The following ZPLD1 variants were observed in gnomAD, a reference collection of about 807,000 sequenced individuals.
ZPLD1 encodes the protein zona pellucida-like domain-containing protein 1.
ZPLD1 carries 34 observed loss-of-function variants against 47.2 expected under a neutral mutation model. That is an observed-to-expected ratio of 0.72 (90% CI 0.55 to 0.96). ZPLD1 has a LOEUF of 0.96. Ranked by LOEUF, ZPLD1 falls within the 40% of genes least tolerant of loss-of-function variation. The pLI, the probability that ZPLD1 is intolerant of heterozygous loss-of-function variation, is 0.00. For missense variants in ZPLD1, 512 were observed against 505.8 expected, an observed-to-expected ratio of 1.01 and a Z score of -0.12; for synonymous variants, 176 against 186.2, an observed-to-expected ratio of 0.95 and a Z score of 0.45.
intron 8 of ZPLD1, among the ~76,000 whole-genome samples, chr3:102,468,209 T>C (rs913983905): frequency 3.9e-5 from 6 of 152,164 alleles, no homozygotes; most frequent in Non-Finnish European, 7.4e-5. Flanking sequence ...ATTGTTTTCA[T>C]ATATTGCTTG....
rs532115266 is a variant in ZPLD1, at chr3:102,398,392, C to T, written c.-157+6167C>T. ...TTCCAGCCCAGTCTCATTTCTACCC[C>T]TGATTTGTTGTTTGACCTAAGGTGA... On this transcript the variant is annotated intron_variant, in intron 7 of 17. Coordinates refer to the ZPLD1 transcript ENST00000491959. 6.8e-4 allele frequency among the ~76,000 whole-genome samples: 103 copies of T among 152,216 alleles called. 2 individuals are homozygous for T. The South Asian group carries it at 0.019, about 29-fold the overall frequency.
At chr3:102,420,605 A>AT (rs1172318295) in intron 8 of ZPLD1, among the ~76,000 whole-genome samples, 1 of 151,594 alleles carries the variant, frequency 6.6e-6, no homozygotes, top group Non-Finnish European at 1.5e-5. Flanking sequence ...TCTTCCTTTG[A>AT]TTTTTTTTCA....
At chr3:102,422,316 G>T (rs1180761577) in intron 8 of ZPLD1, among the ~76,000 whole-genome samples, 2 of 151,956 alleles carry the variant, frequency 1.3e-5, no homozygotes, top group African/African-American at 2.4e-5. Context: ...AATGTCTGAA[G>T]ATATTTTGGG....
intron 7 of ZPLD1, among the ~76,000 whole-genome samples, chr3:102,411,823 G>A (rs922785809): frequency 1.3e-5 from 2 of 151,776 alleles, no homozygotes; most frequent in Non-Finnish European, 2.9e-5. Context: ...GTATTGGTCA[G>A]GATTCTCCAG....
At chr3:102,409,590 G>A (rs1172374855) in intron 7 of ZPLD1, among the ~76,000 whole-genome samples, 3 of 151,762 alleles carry the variant, frequency 2.0e-5, no homozygotes, top group African/African-American at 7.3e-5. Context: ...TGGAGTATTT[G>A]TTTCCAAATC....
chr3:102,440,970 AGTT>A (rs1305991624), intron 3 of ZPLD1, among the ~76,000 whole-genome samples: 1 of 152,138 alleles, frequency 6.6e-6, no homozygotes, highest in Non-Finnish European at 1.5e-5. Context: ...GGAAAAGTGT[AGTT>A]GTTTGTTTGA....
chr3:102,388,243 T>C (rs535065234), intron 6 of ZPLD1, among the ~76,000 whole-genome samples: 1 of 152,278 alleles, frequency 6.6e-6, no homozygotes, highest in East Asian at 1.9e-4. Context: ...CGAACTACTG[T>C]AGGTTAGTTA....
intron 10 of ZPLD1, 85 bp downstream of exon 10, chr3:102,470,587 T>C: frequency 9.8e-7 from 1 of 1,022,120 alleles, no homozygotes; most frequent in South Asian, 1.4e-5. Flanking sequence ...CTCAAAGTGG[T>C]TCCTAAACAG....
intron 5 of ZPLD1, 141 bp from the exon 6 acceptor site, chr3:102,457,639 AT>A: frequency 1.5e-6 from 1 of 676,736 alleles, no homozygotes; most frequent in Non-Finnish European, 2.5e-6. Context: ...CTGTTCAGAG[AT>A]TTAAACAGTA....
In ZPLD1 at chr3:102,408,394, C is replaced by T. The variant is rs1309635879; in HGVS notation, c.-156-9666C>T. Among the ~76,000 whole-genome samples the T allele has an allele frequency of 2.0e-5, 3 of 152,000 alleles. No individual in the cohort carries two copies. In the East Asian group the frequency reaches 5.8e-4, roughly 30 times the overall value. On this transcript the variant is annotated intron_variant, in intron 7 of 17. Coordinates refer to the ZPLD1 transcript ENST00000491959. The stretch of plus-strand genomic sequence containing the variant: ...CAGAACTGGATCACACGCCCATCCT[C>T]AGATTCATGGGATTGTGGAAAGCTA...
At chr3:102,405,998 A>G (rs759342805) in intron 7 of ZPLD1, among the ~76,000 whole-genome samples, 9 of 151,998 alleles carry the variant, frequency 5.9e-5, no homozygotes, top group Non-Finnish European at 1.3e-4. Context: ...TAATTATATA[A>G]TACTAATCAA....
rs769217277 is a variant in ZPLD1 at position 102,477,028 on chromosome 3, C to T, written c.1059C>T (p.Asn353=). The T allele has an allele frequency of 3.1e-6, 5 of 1,613,614 alleles. No homozygotes were observed. In the South Asian group the frequency reaches 5.5e-5, roughly 18 times the overall value. ...TCCCCTCAGATGAGACTCCAACCAA[C>T]AATTCGCAACTTGGTAAGATAATTA... ...IITRSDETPT[N]NSQLGSPSMP... The change falls in exon 11 of 12, where the codon AAC becomes AAT. Residue 353 remains asparagine, a synonymous_variant. Coordinates refer to ENST00000466937, the MANE Select transcript of ZPLD1 (RefSeq NM_001329788.2).
At chr3:102,415,584 G>A (rs1005143106) in intron 7 of ZPLD1, among the ~76,000 whole-genome samples, 4 of 151,804 alleles carry the variant, frequency 2.6e-5, no homozygotes, top group Non-Finnish European at 4.4e-5. Context: ...ATGTTTTAGC[G>A]TGAAGCTAAA....
chr3:102,475,309 G>T (rs758401170), intron 10 of ZPLD1, among the ~76,000 whole-genome samples: 1 of 152,050 alleles, frequency 6.6e-6, no homozygotes, highest in African/African-American at 2.4e-5. Flanking sequence ...GTGGTAATAC[G>T]GGGAGTGCAG....
At chr3:102,414,288 G>T (rs1302078062) in intron 7 of ZPLD1, among the ~76,000 whole-genome samples, 1 of 151,784 alleles carries the variant, frequency 6.6e-6, no homozygotes, top group Admixed American at 6.6e-5. Flanking sequence ...GGTTTTAAAA[G>T]GAATAGCACT....
chr3:102,391,144 T>G (rs1706490619), intron 6 of ZPLD1, among the ~76,000 whole-genome samples: 1 of 152,140 alleles, frequency 6.6e-6, no homozygotes, highest in African/African-American at 2.4e-5. Flanking sequence ...GAGAGAGAGC[T>G]TATGGATTCT....
Position 102,435,166 on chromosome 3 carries a change from G to A in ZPLD1, c.-123+12G>A, listed in dbSNP as rs1257026494. 1.9e-6 allele frequency: 3 copies of A among 1,614,010 alleles called. No homozygotes were observed. The highest frequency in any genetic ancestry group is 3.3e-5 in the Admixed American group (2 of 60,004). On this transcript the variant is annotated intron_variant, in intron 1 of 11. Transcript: ENST00000466937. ...GGGAAATGATGAAGGTAAGGTTGAG[G>A]ATGGGAAATTTGCAAGATAATAGTT... is the stretch of plus-strand genomic sequence containing the variant.
In ZPLD1 at chr3:102,457,820, A is replaced by G. The variant is rs750160781; in HGVS notation, c.549A>G (p.Thr183=). 6.2e-6 allele frequency: 10 copies of G among 1,613,964 alleles called. No homozygotes were observed. The highest frequency in any genetic ancestry group is 8.5e-6 in the Non-Finnish European group (10 of 1,179,944). The change falls in exon 6 of 12, where the codon ACA becomes ACG. Residue 183 remains threonine, a synonymous_variant. Coordinates refer to ENST00000466937, the MANE Select transcript of ZPLD1 (RefSeq NM_001329788.2). The stretch of plus-strand genomic sequence containing the variant: ...TTTCTGTGAGAGAGAACAATGGCAC[A>G]TTTGTCAGCACTTTGAACCTGCTCC... The part of the protein sequence containing the change: ...AAISVRENNG[T]FVSTLNLLLY...
intron 7 of ZPLD1, among the ~76,000 whole-genome samples, chr3:102,397,680 C>A (rs1193847207): frequency 2.6e-5 from 4 of 152,124 alleles, no homozygotes; most frequent in Non-Finnish European, 5.9e-5. Flanking sequence ...GCTACTCCTG[C>A]ACGAATTTAG....
Sources: gnomAD v4.1 joint callset for allele counts (sites outside exome capture counted in the v4.1 genomes callset) on GRCh38, gnomAD v4.1.1 for gene constraint, MANE v1.5 for transcripts, NCBI Gene and HGNC (gene_info 2026-07-23, HGNC 2026-07-21) for gene names.